The following NOL10 variants were observed in gnomAD, a reference collection of about 807,000 sequenced individuals.
NOL10 encodes the protein nucleolar protein 10.
In NOL10, 58 loss-of-function variants were observed where a neutral mutation model predicts 103.5. That is an observed-to-expected ratio of 0.56 (90% CI 0.45 to 0.70). NOL10 has a LOEUF of 0.70. Ranked by LOEUF, NOL10 falls within the 30% of genes least tolerant of loss-of-function variation. The probability of loss-of-function intolerance (pLI) is 0.00; values close to 1 mark genes in which losing one functional copy is unlikely to be tolerated. For synonymous variants in NOL10, 287 were observed against 282.5 expected (o/e 1.02, Z -0.16); for missense variants, 763 against 807.3 (o/e 0.95, Z 0.67).
Position 10,674,441 on chromosome 2 carries a change from C to A in NOL10, c.290-884G>T, listed in dbSNP as rs190289904. ...ACCTTTACCCTCGTATAACCCCCTT[C>A]CCTTGAGAGTGTGGGTAGAAACTGT... On this transcript the variant is annotated intron_variant, in intron 4 of 20. Coordinates refer to ENST00000381685, the MANE Select transcript of NOL10 (RefSeq NM_024894.4). Among the ~76,000 whole-genome samples the A allele has an allele frequency of 2.1e-3, 320 of 152,266 alleles. 2 individuals are homozygous for A. The highest frequency in any genetic ancestry group is 7.4e-3 in the African/African-American group (309 of 41,554).
chr2:10,670,850 C>T (rs1680885849), intron 6 of NOL10, among the ~76,000 whole-genome samples: 1 of 152,202 alleles, frequency 6.6e-6, no homozygotes, highest in African/African-American at 2.4e-5. Context: ...TTCTTAAATA[C>T]ATTTACTACT....
intron 7 of NOL10, 137 bp from the exon 8 acceptor site, chr2:10,667,415 A>G (rs2148334535): frequency 7.3e-6 from 5 of 684,470 alleles, no homozygotes; most frequent in South Asian, 7.0e-5. Context: ...CTAATCTGCA[A>G]ATGGAAAACA....
In NOL10 at chr2:10,667,249, A is replaced by C; in HGVS notation, c.560T>G (p.Val187Gly). 1 of 1,588,860 alleles carries C rather than the reference A, an allele frequency of 6.3e-7. No individual in the cohort carries two copies. Among genetic ancestry groups the C allele is most frequent in the Non-Finnish European group, 8.6e-7 (1 of 1,166,470 alleles). The change falls in exon 8 of 21, where the codon GTG becomes GGG. Residue 187 changes from valine (V) to glycine (G), a missense_variant. Val to Gly is a moderately radical substitution (Grantham distance 109). Coordinates refer to ENST00000381685, the MANE Select transcript of NOL10 (RefSeq NM_024894.4). ...AENNVCDINS[V>G]HGLFATGTIE... The stretch of plus-strand genomic sequence containing the variant: ...GGTTCCTGTGGCAAACAAGCCATGC[A>C]CTGAATTTATGTCACAAACATTATT...
At chr2:10,585,040 A>G (rs1674952543) in intron 19 of NOL10, among the ~76,000 whole-genome samples, 1 of 152,200 alleles carries the variant, frequency 6.6e-6, no homozygotes, top group African/African-American at 2.4e-5. Context: ...TTCCTGGTCA[A>G]TGGCTATGGG....
At chr2:10,642,484 G>A (rs1308132532) in intron 13 of NOL10, among the ~76,000 whole-genome samples, 2 of 151,950 alleles carry the variant, frequency 1.3e-5, no homozygotes, top group African/African-American at 2.4e-5. Flanking sequence ...CTATCCCCCC[G>A]CTTACAACTC....
chr2:10,678,434 A>C lies in NOL10; in HGVS notation c.212-2563T>G, dbSNP rs530483633. Reference sequence around the variant, plus strand: ...GGAAAAAAGTGGTAAAAAAAAAAAAAAACACTAATAAAAGTAGAGCCTCTA... The same window carrying C: ...GGAAAAAAGTGGTAAAAAAAAAAAACAACACTAATAAAAGTAGAGCCTCTA... On this transcript the variant is annotated intron_variant, in intron 3 of 20. Transcript: ENST00000381685. 7.0e-5 allele frequency among the ~76,000 whole-genome samples: 10 copies of C among 143,694 alleles called. No homozygotes were observed. In the East Asian group the frequency reaches 1.8e-3, roughly 26 times the overall value. The allele number at this position is 143,694 out of a possible 152,430, so 94.3% of individuals were successfully genotyped here. A position where few individuals can be genotyped will look rare whatever the true frequency, so the allele number is the denominator to read the frequency against.
rs569149454 is a variant in NOL10 at position 10,601,041 on chromosome 2, A to T, written c.1333-99T>A. ...AACAGTTGTGTAAGTATAATTTCAT[A>T]AATAGGAGATAACTAATTCTTATTT... On this transcript the variant is annotated intron_variant, in intron 16 of 20. Coordinates refer to ENST00000381685, the MANE Select transcript of NOL10 (RefSeq NM_024894.4). The T allele has an allele frequency of 4.0e-5, 27 of 683,152 alleles. No individual in the cohort carries two copies. In the South Asian group the frequency reaches 5.1e-4, roughly 13 times the overall value. The allele number at this position is 683,152 out of a possible 1,614,324, so 42.3% of individuals were successfully genotyped here. A position where few individuals can be genotyped will look rare whatever the true frequency, so the allele number is the denominator to read the frequency against.
rs562620383 is a variant in NOL10 at position 10,578,838 on chromosome 2, T to A, written c.1845-1100A>T. 2.0e-5 allele frequency among the ~76,000 whole-genome samples: 3 copies of A among 152,330 alleles called. No homozygotes were observed. The South Asian group carries it at 6.2e-4, about 32-fold the overall frequency. ...ATCCCCCTGATAAGATTGAGAGAGA[T>A]GCGAGGGAAGACAAAGAATATGGTT... is the stretch of plus-strand genomic sequence containing the variant. On this transcript the variant is annotated intron_variant, in intron 19 of 20. Transcript: ENST00000381685.
chr2:10,644,302 C>G lies in NOL10; in HGVS notation c.1026+18G>C. The G allele has an allele frequency of 6.8e-7, 1 of 1,476,086 alleles. No homozygotes were observed. Among genetic ancestry groups the G allele is most frequent in the Non-Finnish European group, 9.0e-7 (1 of 1,109,864 alleles). The allele number at this position is 1,476,086 out of a possible 1,614,324, so 91.4% of individuals were successfully genotyped here. A position where few individuals can be genotyped will look rare whatever the true frequency, so the allele number is the denominator to read the frequency against. On this transcript the variant is annotated intron_variant, in intron 13 of 20. Coordinates refer to ENST00000381685, the MANE Select transcript of NOL10 (RefSeq NM_024894.4). ...TGCTTGTCCTATTTTTACTGAAACT[C>G]CTCTTTGTATTACTTACTGGAATGT... is the stretch of plus-strand genomic sequence containing the variant.
chr2:10,640,084 G>A (rs1325795331), intron 13 of NOL10, among the ~76,000 whole-genome samples: 2 of 152,220 alleles, frequency 1.3e-5, no homozygotes, highest in Middle Eastern at 3.2e-3. Context: ...ATGCCCCAAA[G>A]AGGGAGGGAA....
At chr2:10,574,424 G>T (rs1317564241) in intron 20 of NOL10, among the ~76,000 whole-genome samples, 1 of 152,178 alleles carries the variant, frequency 6.6e-6, no homozygotes, top group Non-Finnish European at 1.5e-5. Flanking sequence ...GAGATGGGCA[G>T]ATCATGAGGT....
chr2:10,576,705 T>C (rs1674470099), intron 20 of NOL10, among the ~76,000 whole-genome samples: 1 of 152,174 alleles, frequency 6.6e-6, no homozygotes, highest in African/African-American at 2.4e-5. Context: ...TGCCAGGGGC[T>C]GGCGGATGAA....
At chr2:10,687,130 C>A (rs954034654) in intron 1 of NOL10, among the ~76,000 whole-genome samples, 1 of 144,332 alleles carries the variant, frequency 6.9e-6, no homozygotes. Flanking sequence ...CAGACAACAA[C>A]TGGGGTTCCA....
At chr2:10,585,022 C>T (rs995231230) in intron 19 of NOL10, among the ~76,000 whole-genome samples, 17 of 152,196 alleles carry the variant, frequency 1.1e-4, no homozygotes, top group African/African-American at 3.9e-4. Context: ...AACAACTGCT[C>T]CCAGATTTTC....
At chr2:10,660,025 A>C (rs1263362213) in intron 9 of NOL10, among the ~76,000 whole-genome samples, 1 of 152,166 alleles carries the variant, frequency 6.6e-6, no homozygotes, top group Non-Finnish European at 1.5e-5. Context: ...CACCAAAAGC[A>C]ATGATCTCCA....
At chr2:10,661,434 T>C (rs1443015235) in intron 9 of NOL10, among the ~76,000 whole-genome samples, 2 of 151,250 alleles carry the variant, frequency 1.3e-5, no homozygotes, top group Admixed American at 1.3e-4. Flanking sequence ...TACAGTGGGG[T>C]GACCTCGGCT....
At chr2:10,679,347 G>A (rs1023632800) in intron 3 of NOL10, among the ~76,000 whole-genome samples, 124 of 136,550 alleles carry the variant, frequency 9.1e-4, no homozygotes, top group African/African-American at 3.4e-3. Flanking sequence ...CAACAAGAGT[G>A]AAACTCTGCC....
chr2:10,589,724 G>A lies in NOL10; in HGVS notation c.1450C>T (p.Arg484Ter). Residue 484 changes from arginine (R) to a stop codon, truncating the protein, a stop_gained, in exon 18 of 21, where the codon CGA becomes TGA. Transcript: ENST00000381685. LOFTEE classifies it high-confidence loss of function. ...KSLPNILTDD[R>*]FKVMFENPDF... ...GGGTTCTCAAACATAACTTTAAATC[G>A]ATCATCGGTGAGAATATTAGGAAGA... 2 of 1,552,504 alleles carry A rather than the reference G, an allele frequency of 1.3e-6. No homozygotes were observed. The highest frequency in any genetic ancestry group is 1.7e-6 in the Non-Finnish European group (2 of 1,153,034).
intron 8 of NOL10, among the ~76,000 whole-genome samples, chr2:10,666,802 T>C (rs1278769416): frequency 6.6e-6 from 1 of 152,098 alleles, no homozygotes; most frequent in Non-Finnish European, 1.5e-5. Context: ...TATTGGCATA[T>C]AGCACTTAGG....
Sources: allele counts gnomAD v4.1 joint callset (sites outside exome capture counted in the v4.1 genomes callset), GRCh38; gene constraint gnomAD v4.1.1; transcripts MANE v1.5; gene names NCBI Gene and HGNC (gene_info 2026-07-23, HGNC 2026-07-21).